ACOX3: variants seen among roughly 807,000 people sequenced by gnomAD.
The protein encoded by ACOX3 is acyl-CoA oxidase 3, pristanoyl, also known as peroxisomal acyl-coenzyme A oxidase 3.
A neutral mutation model predicts 81.5 loss-of-function variants in ACOX3; 73 were observed. The ratio of observed to expected loss-of-function variants is 0.90; its 90% CI spans 0.74 to 1.09. ACOX3 has a LOEUF of 1.09. ACOX3 is among the 50% of genes least tolerant of loss of function. The pLI is 0.00. For synonymous variants in ACOX3, 387 were observed against 375.1 expected (o/e 1.03, Z -0.37); for missense variants, 947 against 928.0 (o/e 1.02, Z -0.27).
At chr4:8,373,822 C>A in intron 15 of ACOX3, 194 bp from the exon 16 acceptor site, 2 of 608,282 alleles carry the variant, frequency 3.3e-6, no homozygotes. Flanking sequence ...TTCTGAGACC[C>A]TTTTCCCACT....
rs1721100868 is a variant in ACOX3, at chr4:8,407,351, C to T, written c.688-1308G>A. 6.6e-6 allele frequency among the ~76,000 whole-genome samples: 1 copy of T among 152,208 alleles called. No homozygotes were observed. Among genetic ancestry groups the T allele is most frequent in the Non-Finnish European group, 1.5e-5 (1 of 68,040 alleles). ...TTTATATTTTATTACACTGGAACAG[C>T]TCGTGTCCTCAGTCTCTTGCCTCGG... is the stretch of plus-strand genomic sequence containing the variant. On this transcript the variant is annotated intron_variant, in intron 6 of 17. Transcript: ENST00000356406. The surrounding 1 kb of genome is among the most constrained non-coding windows in gnomAD (Gnocchi z 4.6).
chr4:8,427,144 G>T (rs1723569054), intron 1 of ACOX3, among the ~76,000 whole-genome samples: 2 of 152,142 alleles, frequency 1.3e-5, no homozygotes, highest in Admixed American at 1.3e-4. Context: ...GACCAATCAG[G>T]TAGTAAAGAG....
At chr4:8,393,124 T>A (rs1383429312) in intron 10 of ACOX3, 1 of 87,812 alleles carries the variant, frequency 1.1e-5, no homozygotes, top group Non-Finnish European at 2.3e-5. Context: ...TGCTGCAGGC[T>A]TTTTTTTAAG....
chr4:8,365,766 C>T (rs747571907), downstream of ACOX3, among the ~76,000 whole-genome samples: 5 of 152,166 alleles, frequency 3.3e-5, no homozygotes, highest in Non-Finnish European at 5.9e-5. Flanking sequence ...GGGTGGTGTC[C>T]TGACCCTTTT....
intron 11 of ACOX3, among the ~76,000 whole-genome samples, chr4:8,390,865 A>G (rs1436261761): frequency 6.6e-6 from 1 of 152,216 alleles, no homozygotes; most frequent in Non-Finnish European, 1.5e-5. Context: ...CTTACTGTCA[A>G]ATCATGCCAC....
Position 8,385,012 on chromosome 4 carries a change from C to T in ACOX3, c.1538-3405G>A, listed in dbSNP as rs570003544. ...TCCAAGGAAGTGTTCAGGACTGTGG[C>T]CCCCCACACGCAGCAGCCCCCCACC... On this transcript the variant is annotated intron_variant, in intron 13 of 17. Coordinates refer to ENST00000356406, the MANE Select transcript of ACOX3 (RefSeq NM_003501.3). This position sits in a 1 kb window ranked among gnomAD's most constrained non-coding sequence, Gnocchi z 5.5. Among the ~76,000 whole-genome samples, 1 of 152,246 alleles carries T rather than the reference C, an allele frequency of 6.6e-6. No individual in the cohort carries two copies. Among genetic ancestry groups the T allele is most frequent in the South Asian group, 2.1e-4 (1 of 4,816 alleles).
intron 1 of ACOX3, chr4:8,428,614 A>T (rs1048367067): frequency 1.3e-5 from 2 of 151,506 alleles, no homozygotes; most frequent in Non-Finnish European, 2.9e-5. Flanking sequence ...GCTCCCGGGC[A>T]CTCTTGCCTT....
At chr4:8,374,789 C>A (rs897973279) in intron 15 of ACOX3, 189 bp downstream of exon 15, 12 of 586,386 alleles carry the variant, frequency 2.0e-5, no homozygotes, top group Non-Finnish European at 3.1e-5. Flanking sequence ...TTCTCGGCAC[C>A]ACCCTGACGC....
Position 8,431,864 on chromosome 4 carries a change from T to G in ACOX3, c.-15+8784A>C, listed in dbSNP as rs901379887. 6.6e-6 allele frequency among the ~76,000 whole-genome samples: 1 copy of G among 152,268 alleles called. No homozygotes were observed. Among genetic ancestry groups the G allele is most frequent in the Non-Finnish European group, 1.5e-5 (1 of 68,048 alleles). On this transcript the variant is annotated intron_variant, in intron 1 of 17. Transcript: ENST00000356406. This position sits in a 1 kb window ranked among gnomAD's most constrained non-coding sequence, Gnocchi z 5.3. The stretch of plus-strand genomic sequence containing the variant: ...TATTGACTGTCATTGGCCATTGTTG[T>G]TATGTGCACACATTGTTAAAGCTAA...
intron 16 of ACOX3, among the ~76,000 whole-genome samples, chr4:8,371,874 C>T (rs769524248): frequency 1.3e-5 from 2 of 152,256 alleles, no homozygotes; most frequent in African/African-American, 4.8e-5. Context: ...GCCACGGTCT[C>T]TGGCAACTGC....
In ACOX3 at chr4:8,374,963, A is replaced by G; in HGVS notation, c.1828+15T>C. ...ACTCTGGGGAGGACAGCAAGCCCGC[A>G]GTCAGAAGCCTCACCTCGGTAGAGC... On this transcript the variant is annotated intron_variant, in intron 15 of 17. Transcript: ENST00000356406. 1 of 1,492,582 alleles carries G rather than the reference A, an allele frequency of 6.7e-7. No homozygotes were observed. The allele number at this position is 1,492,582 out of a possible 1,614,324, so 92.5% of individuals were successfully genotyped here.
intron 14 of ACOX3, among the ~76,000 whole-genome samples, chr4:8,376,439 G>A (rs1004332542): frequency 1.4e-4 from 21 of 152,098 alleles, no homozygotes; most frequent in African/African-American, 3.9e-4. Context: ...GGCCTATGAC[G>A]CTGCTATGAC....
In ACOX3 at chr4:8,385,331, GCTCAC is replaced by G. The variant is rs1718180953; in HGVS notation, c.1538-3729_1538-3725del. ...TCCACCGCTCACCTGTGACCTCACT[GCTCAC>G]CTCACATGACCTCACTGTGCACTCC... On this transcript the variant is annotated intron_variant, in intron 13 of 17. Coordinates refer to ENST00000356406, the MANE Select transcript of ACOX3 (RefSeq NM_003501.3). The surrounding 1 kb of genome is among the most constrained non-coding windows in gnomAD (Gnocchi z 5.5). Among the ~76,000 whole-genome samples the G allele has an allele frequency of 6.6e-6, 1 of 151,890 alleles. No homozygotes were observed. The highest frequency in any genetic ancestry group is 2.4e-5 in the African/African-American group (1 of 41,316).
chr4:8,430,230 AGAAG>A lies in ACOX3; in HGVS notation c.-15+10414_-15+10417del. 6.6e-6 allele frequency among the ~76,000 whole-genome samples: 1 copy of A among 152,370 alleles called. No individual in the cohort carries two copies. The highest frequency in any genetic ancestry group is 1.5e-5 in the Non-Finnish European group (1 of 68,034). On this transcript the variant is annotated intron_variant, in intron 1 of 17. Transcript: ENST00000356406. The surrounding 1 kb of genome is among the most constrained non-coding windows in gnomAD (Gnocchi z 5.2). Reference sequence around the variant, plus strand: ...AGTGGGAGCGTCCGATTGCAAAAGCAGAAGGAAGGGACTGAAAGATCATTTCGGG... The same window carrying A: ...AGTGGGAGCGTCCGATTGCAAAAGCAGAAGGGACTGAAAGATCATTTCGGG...
In ACOX3 at chr4:8,416,355, C is replaced by G. The variant is rs1304482378; in HGVS notation, c.144+23G>C. 6.2e-7 allele frequency: 1 copy of G among 1,613,910 alleles called. No individual in the cohort carries two copies. The highest frequency in any genetic ancestry group is 1.3e-5 in the African/African-American group (1 of 74,918). Reference sequence around the variant, plus strand: ...AGACCCCACTGGGAAAAAAGACAAGCTGCGCACAACCGCACGCCTCACCTT... The same window carrying G: ...AGACCCCACTGGGAAAAAAGACAAGGTGCGCACAACCGCACGCCTCACCTT... On this transcript the variant is annotated intron_variant, in intron 2 of 17. Coordinates refer to ENST00000356406, the MANE Select transcript of ACOX3 (RefSeq NM_003501.3). This position sits in a 1 kb window ranked among gnomAD's most constrained non-coding sequence, Gnocchi z 4.2.
In ACOX3 at chr4:8,391,031, GTGTATATGTATATGTATA is replaced by G. The variant is rs57021460; in HGVS notation, c.1300+1284_1301-1298del. Among the ~76,000 whole-genome samples, 151 of 148,222 alleles carry G rather than the reference GTGTATATGTATATGTATA, an allele frequency of 1.0e-3. 1 individual carries two copies. The highest frequency in any genetic ancestry group is 1.4e-3 in the Non-Finnish European group (92 of 66,972). ...TATGTATGTGTATATGTATATGTAT[GTGTATATGTATATGTATA>G]TGTATATGTATATGTATATGTATAT... On this transcript the variant is annotated intron_variant, in intron 11 of 17. Coordinates refer to ENST00000356406, the MANE Select transcript of ACOX3 (RefSeq NM_003501.3).
At position 8,400,529 on chromosome 4, in the gene ACOX3, C is replaced by G. The variant is rs1720255681; in HGVS notation, c.777-877G>C. ...AATTCACTTCTTTTGAACAGCTGAG[C>G]ATAGGATTACACACACATTGTTATG... On this transcript the variant is annotated intron_variant, in intron 7 of 17. Transcript: ENST00000356406. This position sits in a 1 kb window ranked among gnomAD's most constrained non-coding sequence, Gnocchi z 4.4. 6.6e-6 allele frequency among the ~76,000 whole-genome samples: 1 copy of G among 152,170 alleles called. No homozygotes were observed. The highest frequency in any genetic ancestry group is 6.5e-5 in the Admixed American group (1 of 15,276).
downstream of ACOX3, among the ~76,000 whole-genome samples, chr4:8,363,420 A>C (rs989544459): frequency 6.6e-6 from 1 of 152,228 alleles, no homozygotes; most frequent in Non-Finnish European, 1.5e-5. Context: ...CACCATTCCA[A>C]GGCTTTCTGG....
At chr4:8,373,363 C>CA (rs1369813358) in intron 16 of ACOX3, among the ~76,000 whole-genome samples, 198 bp downstream of exon 16, 2 of 150,466 alleles carry the variant, frequency 1.3e-5, no homozygotes, top group African/African-American at 5.0e-5. Context: ...TGTGTCAGCT[C>CA]TGGGTGATGC....
Sources: gnomAD v4.1 joint callset for allele counts (sites outside exome capture counted in the v4.1 genomes callset) on GRCh38, gnomAD v4.1.1 for gene constraint, Gnocchi (gnomAD v3.1) non-coding constraint, MANE v1.5 for transcripts, NCBI Gene and HGNC (gene_info 2026-07-23, HGNC 2026-07-21) for gene names.